CNTN5: variants seen among roughly 807,000 people sequenced by gnomAD.
CNTN5 encodes the protein contactin 5.
In CNTN5, 77 loss-of-function variants were observed where a neutral mutation model predicts 129.1. The observed-to-expected ratio is 0.60, with a 90% CI of 0.50 to 0.72. The LOEUF (loss-of-function observed/expected upper bound fraction) is 0.72, where lower values mean the gene tolerates loss of function less well. CNTN5 is among the 30% of genes least tolerant of loss of function. The pLI is 0.00. For missense variants in CNTN5, 1,478 were observed against 1,328.8 expected (o/e 1.11, Z -1.75); for synonymous variants, 509 against 465.6 (o/e 1.09, Z -1.20).
At chr11:99,910,450 A>G (rs967554489) in intron 6 of CNTN5, among the ~76,000 whole-genome samples, 10 of 152,226 alleles carry the variant, frequency 6.6e-5, no homozygotes, top group Admixed American at 2.6e-4. Flanking sequence ...AAACATGTGT[A>G]AGAACTGCTT....
At chr11:99,686,294 T>A (rs763521779) in intron 3 of CNTN5, among the ~76,000 whole-genome samples, 1 of 152,114 alleles carries the variant, frequency 6.6e-6, no homozygotes, top group South Asian at 2.1e-4. Context: ...AGAAATTTCT[T>A]TAGGATTTTT....
intron 13 of CNTN5, among the ~76,000 whole-genome samples, chr11:100,154,910 C>T (rs1008338080): frequency 2.0e-5 from 3 of 151,906 alleles, no homozygotes; most frequent in South Asian, 2.1e-4. Context: ...TTTGTAGATT[C>T]TGGATATTAG....
At chr11:99,971,414 G>T (rs754312489) in intron 8 of CNTN5, among the ~76,000 whole-genome samples, 1 of 151,874 alleles carries the variant, frequency 6.6e-6, no homozygotes, top group Non-Finnish European at 1.5e-5. Context: ...GTGGTGGTGC[G>T]CGCCTGTAGT....
intron 4 of CNTN5, among the ~76,000 whole-genome samples, chr11:99,837,064 T>A (rs2135648827): frequency 6.6e-6 from 1 of 152,266 alleles, no homozygotes; most frequent in East Asian, 1.9e-4. Context: ...GACTTGTATC[T>A]TGTGCTTACC....
At chr11:99,774,594 T>C (rs2119582) in intron 3 of CNTN5, among the ~76,000 whole-genome samples, 131,671 of 151,878 alleles carry the variant, frequency 0.87, 57,155 homozygotes, top group African/African-American at 0.92. Flanking sequence ...TCCAACTGTC[T>C]TCCAAGGGCC....
At chr11:99,638,487 A>C (rs778382808) in intron 3 of CNTN5, among the ~76,000 whole-genome samples, 3 of 152,140 alleles carry the variant, frequency 2.0e-5, no homozygotes, top group Non-Finnish European at 4.4e-5. Flanking sequence ...CCAAAAGTCC[A>C]AAGTCCAAAG....
chr11:99,077,285 CA>C (rs1865616447), intron 1 of CNTN5, among the ~76,000 whole-genome samples: 1 of 147,204 alleles, frequency 6.8e-6, no homozygotes, highest in Non-Finnish European at 1.5e-5. Context: ...ACATCAACAA[CA>C]AAATTACAAG....
At chr11:99,218,217 A>G (rs1469863782) in intron 1 of CNTN5, among the ~76,000 whole-genome samples, 1 of 152,122 alleles carries the variant, frequency 6.6e-6, no homozygotes, top group Non-Finnish European at 1.5e-5. Context: ...ACTCTGTGAC[A>G]TCAACTTCCC....
chr11:99,746,866 A>G (rs980419805), intron 3 of CNTN5, among the ~76,000 whole-genome samples: 3 of 152,182 alleles, frequency 2.0e-5, no homozygotes, highest in Non-Finnish European at 4.4e-5. Flanking sequence ...GTGATGGCTT[A>G]GCTTTGTTCT....
In CNTN5 at chr11:99,582,700, A is replaced by G. The variant is rs370639192; in HGVS notation, c.55+26431A>G. On this transcript the variant is annotated intron_variant, in intron 3 of 24. Coordinates refer to ENST00000524871, the MANE Select transcript of CNTN5 (RefSeq NM_014361.4). ...TCAGGTCCTTTAAGAACTTCTCTGC[A>G]TTGGTTATTCTAGTTAGCCATTTGT... is the stretch of plus-strand genomic sequence containing the variant. Among the ~76,000 whole-genome samples, 12 of 150,092 alleles carry G rather than the reference A, an allele frequency of 8.0e-5. No homozygotes were observed. The East Asian group carries it at 1.4e-3, about 17-fold the overall frequency.
intron 13 of CNTN5, among the ~76,000 whole-genome samples, chr11:100,141,411 C>A (rs992835879): frequency 4.6e-5 from 7 of 152,110 alleles, no homozygotes; most frequent in African/African-American, 1.7e-4. Flanking sequence ...CTAACTTCTG[C>A]TTTGTGGCTA....
intron 6 of CNTN5, among the ~76,000 whole-genome samples, chr11:99,847,034 A>G (rs1390504442): frequency 1.3e-5 from 2 of 152,198 alleles, no homozygotes; most frequent in African/African-American, 2.4e-5. Flanking sequence ...TAGCTCCTTT[A>G]TTCAATAGTC....
intron 1 of CNTN5, among the ~76,000 whole-genome samples, chr11:99,319,505 C>T (rs1346693270): frequency 3.9e-5 from 6 of 152,144 alleles, no homozygotes; most frequent in African/African-American, 1.2e-4. Context: ...TTGGAATTGG[C>T]TATTCACCAG....
At position 99,585,087 on chromosome 11, in the gene CNTN5, A is replaced by T. The variant is rs376222268; in HGVS notation, c.55+28818A>T. Among the ~76,000 whole-genome samples, 8 of 152,242 alleles carry T rather than the reference A, an allele frequency of 5.3e-5. No homozygotes were observed. The East Asian group carries it at 7.7e-4, about 15-fold the overall frequency. On this transcript the variant is annotated intron_variant, in intron 3 of 24. Transcript: ENST00000524871. Reference sequence around the variant, plus strand: ...GCAATTCAGTGGACACATATTTTCCAAATGACCAAACACACAGTGTTACAA... The same window carrying T: ...GCAATTCAGTGGACACATATTTTCCTAATGACCAAACACACAGTGTTACAA...
intron 21 of CNTN5, among the ~76,000 whole-genome samples, chr11:100,321,321 A>G (rs1951691770): frequency 1.3e-5 from 2 of 149,178 alleles, no homozygotes; most frequent in Admixed American, 1.3e-4. Flanking sequence ...GCTATTTTAA[A>G]TAGGATTGGT....
intron 1 of CNTN5, among the ~76,000 whole-genome samples, chr11:99,116,182 G>A (rs1335083120): frequency 6.6e-6 from 1 of 152,014 alleles, no homozygotes; most frequent in Non-Finnish European, 1.5e-5. Flanking sequence ...TTCTTATATT[G>A]CTAGAGAAAT....
rs1398463099 is a variant in CNTN5, at chr11:99,819,721, C to T, written c.233C>T (p.Ser78Phe). The part of the protein sequence containing the change: ...SWLGAAQNYY[S>F]PINLYHSSDA... Reference sequence around the variant, plus strand: ...CTAGGGGCAGCTCAGAATTATTATTCCCCCATCAATCTTTATCATTCCTCA... The same window carrying T: ...CTAGGGGCAGCTCAGAATTATTATTTCCCCATCAATCTTTATCATTCCTCA... The change falls in exon 4 of 25, where the codon TCC becomes TTC. Residue 78 changes from serine (S) to phenylalanine (F), a missense_variant. By Grantham distance (155) the Ser-to-Phe change is radical (BLOSUM62 -2). Coordinates refer to ENST00000524871, the MANE Select transcript of CNTN5 (RefSeq NM_014361.4). The T allele has an allele frequency of 1.2e-6, 2 of 1,610,884 alleles. No homozygotes were observed. The highest frequency in any genetic ancestry group is 1.7e-6 in the Non-Finnish European group (2 of 1,178,924).
At chr11:99,540,858 T>C (rs1948079447) in intron 2 of CNTN5, among the ~76,000 whole-genome samples, 1 of 152,180 alleles carries the variant, frequency 6.6e-6, no homozygotes, top group African/African-American at 2.4e-5. Context: ...AAATATTAGA[T>C]AAGTCTACGA....
In CNTN5 at chr11:99,517,708, A is replaced by G. The variant is rs77426789; in HGVS notation, c.-70-38437A>G. On this transcript the variant is annotated intron_variant, in intron 2 of 24. Coordinates refer to ENST00000524871, the MANE Select transcript of CNTN5 (RefSeq NM_014361.4). ...TAGTGATAACGTCACTTCCTTCATA[A>G]ACCATTTGCTCACCTGCTACCCTTG... Among the ~76,000 whole-genome samples the G allele has an allele frequency of 4.8e-3, 724 of 152,120 alleles. 22 individuals carry two copies. The East Asian group carries it at 0.094, about 20-fold the overall frequency.
Sources: allele counts gnomAD v4.1 joint callset (sites outside exome capture counted in the v4.1 genomes callset), GRCh38; gene constraint gnomAD v4.1.1; transcripts MANE v1.5; gene names NCBI Gene and HGNC (gene_info 2026-07-23, HGNC 2026-07-21).